Variants in MGAT5 observed in about 807,000 individuals in gnomAD.
MGAT5 encodes the protein alpha-1,6-mannosylglycoprotein 6-beta-N-acetylglucosaminyltransferase.
In MGAT5, 30 loss-of-function variants were observed where a neutral mutation model predicts 94.3. The ratio of observed to expected loss-of-function variants is 0.32; its 90% CI spans 0.24 to 0.43. MGAT5 has a LOEUF of 0.43. Among genes scored for constraint, MGAT5 ranks in the 20% least tolerant of loss-of-function variants. The pLI is 1.00. For synonymous variants in MGAT5, 310 were observed against 322.9 expected (o/e 0.96, Z 0.43); for missense variants, 691 against 905.5 (o/e 0.76, Z 3.04).
chr2:134,289,089 A>G (rs1685188267), intron 2 of MGAT5, among the ~76,000 whole-genome samples: 1 of 151,840 alleles, frequency 6.6e-6, no homozygotes, highest in African/African-American at 2.4e-5. Flanking sequence ...TGGCTTCTCT[A>G]CGTCCCCCTG....
At chr2:134,128,905 A>G (rs915143015) in intron 1 of MGAT5, among the ~76,000 whole-genome samples, 7 of 152,046 alleles carry the variant, frequency 4.6e-5, no homozygotes, top group African/African-American at 1.4e-4. Context: ...TTTTGATGCC[A>G]TGTCTGGTTA....
chr2:134,451,674 C>T lies in MGAT5; in HGVS notation c.*2827C>T, dbSNP rs976584509. On this transcript the variant is annotated 3_prime_UTR_variant, in exon 16 of 16. Coordinates refer to ENST00000281923, the MANE Select transcript of MGAT5 (RefSeq NM_002410.5). ...CTAAGTTATGATTAATGTTTTTCCC[C>T]GCTATAATATCTTGCCTGTTTTTTT... 1.3e-5 allele frequency: 2 copies of T among 152,314 alleles called. No individual in the cohort carries two copies. The highest frequency in any genetic ancestry group is 1.9e-4 in the East Asian group (1 of 5,190). The allele number at this position is 152,314 out of a possible 1,614,324, so 9.4% of individuals were successfully genotyped here. A position where few individuals can be genotyped will look rare whatever the true frequency, so the allele number is the denominator to read the frequency against.
intron 1 of MGAT5, among the ~76,000 whole-genome samples, chr2:134,160,737 G>T (rs559743260): frequency 6.6e-6 from 1 of 152,220 alleles, no homozygotes; most frequent in Non-Finnish European, 1.5e-5. Context: ...TCCCTTGTCA[G>T]CTGTGACTTT....
intron 13 of MGAT5, among the ~76,000 whole-genome samples, chr2:134,427,975 A>G (rs1158301515): frequency 2.0e-5 from 3 of 152,222 alleles, no homozygotes; most frequent in Non-Finnish European, 4.4e-5. Flanking sequence ...ACTAGAATGT[A>G]AAGATGACCC....
chr2:134,226,718 A>T (rs949024485), intron 1 of MGAT5, among the ~76,000 whole-genome samples: 2 of 152,220 alleles, frequency 1.3e-5, no homozygotes, highest in Admixed American at 6.5e-5. Context: ...TAGCAGGCAC[A>T]GTTCCTGGGA....
chr2:134,418,274 T>C (rs758876635), intron 12 of MGAT5, among the ~76,000 whole-genome samples: 43 of 152,342 alleles, frequency 2.8e-4, no homozygotes, highest in Non-Finnish European at 4.6e-4. Flanking sequence ...TCATTCTTCA[T>C]GCTGTAAGAA....
intron 1 of MGAT5, among the ~76,000 whole-genome samples, chr2:134,260,018 AAG>A (rs1254106086): frequency 1.3e-5 from 2 of 152,058 alleles, no homozygotes; most frequent in Non-Finnish European, 2.9e-5. Flanking sequence ...GTACAGTGGA[AAG>A]AGAGAGGTGG....
chr2:134,249,814 A>C (rs1457828497), upstream of MGAT5, among the ~76,000 whole-genome samples: 5 of 152,228 alleles, frequency 3.3e-5, no homozygotes, highest in Admixed American at 1.3e-4. Context: ...CAGTAACTCC[A>C]TGTTTAACTA....
intron 1 of MGAT5, among the ~76,000 whole-genome samples, chr2:134,148,654 T>C (rs988316869): frequency 6.6e-6 from 1 of 152,208 alleles, no homozygotes; most frequent in African/African-American, 2.4e-5. Context: ...GAGATTATAC[T>C]ATACATGTTA....
chr2:134,220,459 G>C (rs1680704306), intron 1 of MGAT5, among the ~76,000 whole-genome samples: 1 of 152,112 alleles, frequency 6.6e-6, no homozygotes, highest in Admixed American at 6.5e-5. Flanking sequence ...TGGGGTTGGT[G>C]GGGGGATGTC....
At chr2:134,187,203 A>T (rs1051287083) in intron 1 of MGAT5, among the ~76,000 whole-genome samples, 3 of 152,122 alleles carry the variant, frequency 2.0e-5, no homozygotes, top group African/African-American at 7.2e-5. Flanking sequence ...ATTATGATGG[A>T]CGTGTGTGAA....
intron 1 of MGAT5, among the ~76,000 whole-genome samples, chr2:134,147,528 A>C (rs1222863595): frequency 1.3e-5 from 2 of 152,042 alleles, no homozygotes; most frequent in East Asian, 3.8e-4. Flanking sequence ...GCCATAATTA[A>C]AATATACAGT....
At chr2:134,245,092 A>C (rs992825911) in intron 1 of MGAT5, among the ~76,000 whole-genome samples, 2 of 152,184 alleles carry the variant, frequency 1.3e-5, no homozygotes, top group Non-Finnish European at 2.9e-5. Context: ...GGCTCACTGC[A>C]AGCTCCGTCT....
At chr2:134,197,345 C>A (rs1012996340) in intron 1 of MGAT5, among the ~76,000 whole-genome samples, 1 of 152,192 alleles carries the variant, frequency 6.6e-6, no homozygotes, top group African/African-American at 2.4e-5. Flanking sequence ...TGATGCTAGA[C>A]CTGTTCCAGA....
At chr2:134,234,957 G>C (rs1218274500) in intron 1 of MGAT5, among the ~76,000 whole-genome samples, 3 of 150,396 alleles carry the variant, frequency 2.0e-5, no homozygotes, top group African/African-American at 4.9e-5. Context: ...TTGTAAGGAA[G>C]GTTGCAGATG....
chr2:134,318,093 C>T (rs959016490), intron 3 of MGAT5, among the ~76,000 whole-genome samples: 2 of 152,110 alleles, frequency 1.3e-5, no homozygotes, highest in Non-Finnish European at 2.9e-5. Flanking sequence ...TCCAGAAATC[C>T]TATTTGTATG....
chr2:134,192,783 T>C, intron 1 of MGAT5, among the ~76,000 whole-genome samples: 1 of 152,254 alleles, frequency 6.6e-6, no homozygotes, highest in South Asian at 2.1e-4. Context: ...GCTTTTAAAT[T>C]GTGGTAAAAT....
intron 10 of MGAT5, among the ~76,000 whole-genome samples, chr2:134,399,650 C>T (rs1437133458): frequency 6.6e-6 from 1 of 152,180 alleles, no homozygotes; most frequent in Non-Finnish European, 1.5e-5. Context: ...ACTGCATCTC[C>T]AGAGATCTGT....
chr2:134,173,376 C>G (rs1241477992), intron 1 of MGAT5, among the ~76,000 whole-genome samples: 2 of 152,160 alleles, frequency 1.3e-5, no homozygotes, highest in Non-Finnish European at 2.9e-5. Flanking sequence ...TAGGCTGGCA[C>G]TGGGGAGGGT....
Sources: allele counts gnomAD v4.1 joint callset (sites outside exome capture counted in the v4.1 genomes callset), GRCh38; gene constraint gnomAD v4.1.1; transcripts MANE v1.5; gene names NCBI Gene and HGNC (gene_info 2026-07-23, HGNC 2026-07-21).